LDB2: variants seen among roughly 807,000 people sequenced by gnomAD.
The protein encoded by LDB2 is LIM domain binding 2, also known as LIM domain-binding protein 2.
A neutral mutation model predicts 44.3 loss-of-function variants in LDB2; 12 were observed. The observed-to-expected ratio is 0.27, with a 90% CI of 0.17 to 0.44. The LOEUF (loss-of-function observed/expected upper bound fraction) is 0.44, where lower values mean the gene tolerates loss of function less well. LDB2 is among the 20% of genes least tolerant of loss of function. LDB2 has a pLI of 1.00. For missense variants in LDB2, 344 were observed against 473.5 expected (o/e 0.73, Z 2.54); for synonymous variants, 164 against 174.8 (o/e 0.94, Z 0.49).
At chr4:16,685,852 C>T (rs1011773946) in intron 2 of LDB2, among the ~76,000 whole-genome samples, 4 of 152,056 alleles carry the variant, frequency 2.6e-5, no homozygotes, top group African/African-American at 9.7e-5. Flanking sequence ...AGTTCGCAAC[C>T]AGCCTAGCCA....
rs201384189 is a variant in LDB2 at position 16,605,479 on chromosome 4, AC to A, written c.236-9605del. Among the ~76,000 whole-genome samples, 1,152 of 152,112 alleles carry A rather than the reference AC, an allele frequency of 7.6e-3. 17 individuals are homozygous for A. Among genetic ancestry groups the A allele is most frequent in the African/African-American group, 0.026 (1,065 of 41,464 alleles). ...TAATACATGTGCAAAAAACAAAAAA[AC>A]AAAAAAAACACCATATTACTCTCAC... On this transcript the variant is annotated intron_variant, in intron 2 of 7. Transcript: ENST00000304523.
At chr4:16,746,865 T>C (rs1764498476) in intron 2 of LDB2, among the ~76,000 whole-genome samples, 1 of 152,168 alleles carries the variant, frequency 6.6e-6, no homozygotes, top group Non-Finnish European at 1.5e-5. Flanking sequence ...TTCCGGGGAA[T>C]GGGTCATCTT....
intron 5 of LDB2, among the ~76,000 whole-genome samples, chr4:16,546,652 GC>G (rs1735874365): frequency 6.6e-6 from 1 of 152,010 alleles, no homozygotes. Flanking sequence ...CATCCACACT[GC>G]CAAGGTGAAA....
At chr4:16,892,687 C>T (rs779984174) in intron 1 of LDB2, among the ~76,000 whole-genome samples, 18 of 152,058 alleles carry the variant, frequency 1.2e-4, no homozygotes, top group Admixed American at 7.2e-4. Flanking sequence ...GTTCAGAAAG[C>T]GGGTGCTCTG....
chr4:16,592,376 A>G (rs1719302680), intron 3 of LDB2, among the ~76,000 whole-genome samples: 1 of 151,232 alleles, frequency 6.6e-6, no homozygotes, highest in African/African-American at 2.4e-5. Context: ...TGCATGGAGT[A>G]GTGCTTTTAG....
intron 2 of LDB2, among the ~76,000 whole-genome samples, chr4:16,630,521 C>T (rs531464457): frequency 3.5e-4 from 53 of 152,238 alleles, no homozygotes; most frequent in African/African-American, 8.4e-4. Context: ...TATAAAGAAA[C>T]GGCATAAATT....
intron 5 of LDB2, among the ~76,000 whole-genome samples, chr4:16,514,103 G>A (rs1722787628): frequency 6.6e-6 from 1 of 152,100 alleles, no homozygotes; most frequent in African/African-American, 2.4e-5. Context: ...ATTCCCATTA[G>A]GTCATACTCT....
intron 1 of LDB2, among the ~76,000 whole-genome samples, chr4:16,809,944 C>T (rs1387061203): frequency 6.6e-6 from 1 of 152,270 alleles, no homozygotes; most frequent in Non-Finnish European, 1.5e-5. Context: ...CATATTGATT[C>T]TTTTCATGTG....
intron 2 of LDB2, among the ~76,000 whole-genome samples, chr4:16,680,387 A>G (rs144777980): frequency 3.3e-5 from 5 of 152,288 alleles, no homozygotes; most frequent in Non-Finnish European, 7.4e-5. Context: ...TGTTTTACCA[A>G]CTGCATCTCA....
At chr4:16,537,553 C>T (rs1272223591) in intron 5 of LDB2, among the ~76,000 whole-genome samples, 2 of 152,208 alleles carry the variant, frequency 1.3e-5, no homozygotes, top group South Asian at 2.1e-4. Context: ...AGGTACAGCA[C>T]GATGTCTGAA....
chr4:16,555,267 G>A (rs958806198), intron 5 of LDB2, among the ~76,000 whole-genome samples: 4 of 152,148 alleles, frequency 2.6e-5, no homozygotes, highest in African/African-American at 7.2e-5. Context: ...TAAGACAAAC[G>A]TTGTTCTAAA....
chr4:16,768,005 C>T (rs948854559), intron 1 of LDB2, among the ~76,000 whole-genome samples: 2 of 152,128 alleles, frequency 1.3e-5, no homozygotes, highest in Non-Finnish European at 2.9e-5. Context: ...AACAGGATCC[C>T]GGTGCCAGGG....
chr4:16,782,198 T>A (rs530386823), intron 1 of LDB2, among the ~76,000 whole-genome samples: 22 of 152,296 alleles, frequency 1.4e-4, no homozygotes, highest in African/African-American at 5.1e-4. Context: ...TCATCTCACA[T>A]CAGGCCGCAA....
chr4:16,884,614 T>C (rs761311996), intron 1 of LDB2, among the ~76,000 whole-genome samples: 3 of 152,200 alleles, frequency 2.0e-5, no homozygotes, highest in Non-Finnish European at 2.9e-5. Context: ...TTCCCATTTA[T>C]CCATCAAGAC....
chr4:16,518,899 G>A (rs1724905976), intron 5 of LDB2, among the ~76,000 whole-genome samples: 1 of 152,134 alleles, frequency 6.6e-6, no homozygotes, highest in Non-Finnish European at 1.5e-5. Context: ...TACTTGTTGC[G>A]AACCAGTCGC....
At chr4:16,694,763 G>A (rs555010191) in intron 2 of LDB2, among the ~76,000 whole-genome samples, 12 of 152,134 alleles carry the variant, frequency 7.9e-5, no homozygotes, top group Non-Finnish European at 1.6e-4. Context: ...TGTACTCGTC[G>A]GCTACATGTG....
chr4:16,701,583 T>A (rs1348260347), intron 2 of LDB2, among the ~76,000 whole-genome samples: 2 of 152,108 alleles, frequency 1.3e-5, no homozygotes, highest in Admixed American at 6.5e-5. Flanking sequence ...ACTTTATAAA[T>A]GAGGAAATTA....
chr4:16,589,249 C>T (rs1718057631), intron 3 of LDB2, among the ~76,000 whole-genome samples: 3 of 152,218 alleles, frequency 2.0e-5, no homozygotes, highest in Admixed American at 2.0e-4. Flanking sequence ...ACCCAATAAA[C>T]TCATTCATGG....
rs7684354 is a variant in LDB2 at position 16,846,650 on chromosome 4, G to A, written c.132+51704C>T. Among the ~76,000 whole-genome samples the A allele has an allele frequency of 6.5e-3, 986 of 152,242 alleles. 16 individuals are homozygous for A. The highest frequency in any genetic ancestry group is 0.023 in the African/African-American group (936 of 41,548). On this transcript the variant is annotated intron_variant, in intron 1 of 7. Transcript: ENST00000304523. ...GTTAAAAATACTGAAAAGCAACTAC[G>A]GGTAAGCATTGCTAAAAGCAGGTAG...
Sources: gnomAD v4.1 joint callset for allele counts (sites outside exome capture counted in the v4.1 genomes callset) on GRCh38, gnomAD v4.1.1 for gene constraint, MANE v1.5 for transcripts, NCBI Gene and HGNC (gene_info 2026-07-23, HGNC 2026-07-21) for gene names.